The following DGKB variants were observed in gnomAD, a reference collection of about 807,000 sequenced individuals.
DGKB encodes the protein diacylglycerol kinase beta, also known as 90 kDa diacylglycerol kinase.
In DGKB, 67 loss-of-function variants were observed where a neutral mutation model predicts 114.3. That is an observed-to-expected ratio of 0.59 (90% CI 0.48 to 0.72). DGKB has a LOEUF of 0.72. Ranked by LOEUF, DGKB falls within the 30% of genes least tolerant of loss-of-function variation. The pLI is 0.00. For missense variants in DGKB, 907 were observed against 975.2 expected, an observed-to-expected ratio of 0.93 and a Z score of 0.93; for synonymous variants, 398 against 323.1, an observed-to-expected ratio of 1.23 and a Z score of -2.49.
At chr7:14,390,491 T>A (rs1379794633) in intron 21 of DGKB, among the ~76,000 whole-genome samples, 1 of 152,198 alleles carries the variant, frequency 6.6e-6, no homozygotes, top group East Asian at 1.9e-4. Flanking sequence ...TTAAATTCCA[T>A]CCATGTATTC....
chr7:14,552,679 A>G (rs1795270468), intron 20 of DGKB, among the ~76,000 whole-genome samples: 1 of 152,222 alleles, frequency 6.6e-6, no homozygotes, highest in Non-Finnish European at 1.5e-5. Flanking sequence ...GGCAGCTACC[A>G]TGAATTTGAC....
intron 13 of DGKB, among the ~76,000 whole-genome samples, chr7:14,666,829 A>T (rs191479656): frequency 1.1e-3 from 169 of 152,102 alleles, no homozygotes; most frequent in Non-Finnish European, 1.5e-4. Context: ...GAAAATCTTG[A>T]CTAAATCACA....
intron 21 of DGKB, among the ~76,000 whole-genome samples, chr7:14,399,018 T>C (rs964519994): frequency 6.6e-6 from 1 of 151,818 alleles, no homozygotes; most frequent in Non-Finnish European, 1.5e-5. Context: ...GAAAGTATAG[T>C]GAAATTAGTA....
intron 2 of DGKB, among the ~76,000 whole-genome samples, chr7:14,816,768 G>C (rs1453001876): frequency 6.6e-6 from 1 of 152,108 alleles, no homozygotes; most frequent in East Asian, 1.9e-4. Context: ...TCTACATTCT[G>C]TCAACACTTT....
At chr7:14,726,998 T>C (rs1421221644) in intron 5 of DGKB, among the ~76,000 whole-genome samples, 1 of 152,176 alleles carries the variant, frequency 6.6e-6, no homozygotes, top group African/African-American at 2.4e-5. Flanking sequence ...TTTTTATGAG[T>C]GAAATAATGT....
chr7:14,487,877 T>C (rs1256131423), intron 20 of DGKB, among the ~76,000 whole-genome samples: 1 of 151,986 alleles, frequency 6.6e-6, no homozygotes, highest in East Asian at 1.9e-4. Flanking sequence ...CCTCCAAAAG[T>C]GTTGGAATTA....
intron 23 of DGKB, among the ~76,000 whole-genome samples, chr7:14,264,039 T>G (rs1392974773): frequency 6.6e-6 from 1 of 152,076 alleles, no homozygotes; most frequent in Non-Finnish European, 1.5e-5. Context: ...GGGAGTGCAG[T>G]TCTATTTTTG....
At chr7:14,776,882 A>G (rs1360867897) in intron 2 of DGKB, among the ~76,000 whole-genome samples, 1 of 152,164 alleles carries the variant, frequency 6.6e-6, no homozygotes, top group Non-Finnish European at 1.5e-5. Flanking sequence ...AACAGCTTGC[A>G]TCATGTGCCT....
chr7:14,970,555 G>GAATA (rs900407642), intron 1 of DGKB, among the ~76,000 whole-genome samples: 16 of 151,744 alleles, frequency 1.1e-4, no homozygotes, highest in African/African-American at 3.9e-4. Flanking sequence ...AAAAATGAAG[G>GAATA]AATAAATAAA....
At chr7:14,697,462 C>G (rs1323823737) in intron 8 of DGKB, among the ~76,000 whole-genome samples, 1 of 152,044 alleles carries the variant, frequency 6.6e-6, no homozygotes, top group African/African-American at 2.4e-5. Context: ...TCTGCTTATC[C>G]ACATGTATGT....
chr7:14,927,488 C>T (rs1171443652), intron 1 of DGKB, among the ~76,000 whole-genome samples: 1 of 148,060 alleles, frequency 6.8e-6, no homozygotes, highest in Non-Finnish European at 1.5e-5. Flanking sequence ...TTTTGCTTTG[C>T]TTTATATCAG....
intron 13 of DGKB, among the ~76,000 whole-genome samples, chr7:14,645,276 T>C (rs62445644): frequency 0.043 from 6,596 of 152,232 alleles, 184 homozygotes; most frequent in African/African-American, 0.081. Flanking sequence ...CTTTCTGGTG[T>C]GCACATACCT....
At chr7:14,898,946 T>A (rs1419848885) in intron 1 of DGKB, among the ~76,000 whole-genome samples, 1 of 152,166 alleles carries the variant, frequency 6.6e-6, no homozygotes, top group Admixed American at 6.6e-5. Flanking sequence ...AAAAGGCAAA[T>A]CCTTCATTTC....
intron 21 of DGKB, among the ~76,000 whole-genome samples, chr7:14,410,764 AATG>A: frequency 6.7e-6 from 1 of 150,280 alleles, no homozygotes; most frequent in South Asian, 2.1e-4. Flanking sequence ...CTGAGGAATC[AATG>A]ATATTTTAAA....
chr7:14,880,165 A>C (rs552566515), intron 1 of DGKB, among the ~76,000 whole-genome samples: 1 of 152,298 alleles, frequency 6.6e-6, no homozygotes, highest in Non-Finnish European at 1.5e-5. Context: ...GCAGGTTCTA[A>C]GGTAAGAAAG....
At chr7:14,520,623 T>G (rs1430461011) in intron 20 of DGKB, among the ~76,000 whole-genome samples, 1 of 152,068 alleles carries the variant, frequency 6.6e-6, no homozygotes, top group Non-Finnish European at 1.5e-5. Flanking sequence ...TACTCTTTGT[T>G]GTTTTCCCAG....
intron 21 of DGKB, among the ~76,000 whole-genome samples, chr7:14,375,315 T>C (rs1818307330): frequency 6.6e-6 from 1 of 152,248 alleles, no homozygotes; most frequent in South Asian, 2.1e-4. Flanking sequence ...CAAAAGCCTT[T>C]GCTGATGTTT....
At chr7:14,914,569 T>G (rs552280967) in intron 1 of DGKB, among the ~76,000 whole-genome samples, 1 of 152,214 alleles carries the variant, frequency 6.6e-6, no homozygotes, top group South Asian at 2.1e-4. Context: ...GTTACCTCAG[T>G]TACCAAATAC....
At position 14,644,778 on chromosome 7, in the gene DGKB, C is replaced by T. The variant is rs139421086; in HGVS notation, c.1135-14510G>A. Among the ~76,000 whole-genome samples the T allele has an allele frequency of 1.8e-3, 281 of 152,190 alleles. 1 individual carries two copies. Among genetic ancestry groups the T allele is most frequent in the African/African-American group, 6.4e-3 (266 of 41,534 alleles). On this transcript the variant is annotated intron_variant, in intron 13 of 25. Transcript: ENST00000402815. The stretch of plus-strand genomic sequence containing the variant: ...AAAAGATGGGGAAAGACATGGAAAC[C>T]TATTGAATAAAATAATACTTGAAAA...
Sources: allele counts gnomAD v4.1 joint callset (sites outside exome capture counted in the v4.1 genomes callset), GRCh38; gene constraint gnomAD v4.1.1; transcripts MANE v1.5; gene names NCBI Gene and HGNC (gene_info 2026-07-23, HGNC 2026-07-21).